ST18: variants seen among roughly 807,000 people sequenced by gnomAD.
ST18 encodes the protein suppression of tumorigenicity 18 protein.
In ST18, 50 loss-of-function variants were observed where a neutral mutation model predicts 110.0. That is an observed-to-expected ratio of 0.45 (90% CI 0.36 to 0.58). ST18 has a LOEUF of 0.58. ST18 is among the 20% of genes least tolerant of loss of function. The pLI is 0.00. For missense variants in ST18, 1,306 were observed against 1,280.1 expected, an observed-to-expected ratio of 1.02 and a Z score of -0.31; for synonymous variants, 461 against 452.4, an observed-to-expected ratio of 1.02 and a Z score of -0.24.
rs1197792067 is a variant in ST18 at position 52,409,708 on chromosome 8, C to T, written c.-750G>A. On this transcript the variant is annotated 5_prime_UTR_variant, in exon 1 of 26. Transcript: ENST00000689386. ...TCTAGTATTCCCCTGAGGTCACATT[C>T]AGTTAAAAACATCCTGCCCTTCTCC... 2.0e-5 allele frequency: 3 copies of T among 152,272 alleles called. No homozygotes were observed. The highest frequency in any genetic ancestry group is 7.2e-5 in the African/African-American group (3 of 41,460). 9.4% of individuals were successfully genotyped at this position (152,272 alleles called of 1,614,324 possible). A position where few individuals can be genotyped will look rare whatever the true frequency, so the allele number is the denominator to read the frequency against.
chr8:52,349,317 G>A (rs905627602), intron 2 of ST18, among the ~76,000 whole-genome samples: 3 of 152,084 alleles, frequency 2.0e-5, no homozygotes, highest in African/African-American at 4.8e-5. Flanking sequence ...TCTAACCTTC[G>A]TGTGATTAAG....
chr8:52,362,628 T>C (rs1249501937), intron 2 of ST18, among the ~76,000 whole-genome samples: 4 of 152,194 alleles, frequency 2.6e-5, no homozygotes, highest in Non-Finnish European at 5.9e-5. Context: ...ATATAATACA[T>C]TTTCCCCATA....
Position 52,132,754 on chromosome 8 carries a change from G to A in ST18, c.2444+303C>T, listed in dbSNP as rs569876703. Among the ~76,000 whole-genome samples, 117 of 152,210 alleles carry A rather than the reference G, an allele frequency of 7.7e-4. 1 individual carries two copies. The highest frequency in any genetic ancestry group is 2.2e-3 in the African/African-American group (93 of 41,534). The stretch of plus-strand genomic sequence containing the variant: ...CTTAAGCAAAATTAAAGTTTCGGGG[G>A]AAAATGCTGCCATATTTATCATTGT... On this transcript the variant is annotated intron_variant, in intron 21 of 25. Coordinates refer to ENST00000689386, the MANE Select transcript of ST18 (RefSeq NM_001352837.2).
In ST18 at chr8:52,143,058, C is replaced by A. The variant is rs2055846594; in HGVS notation, c.2053-13G>T. 1.3e-6 allele frequency: 2 copies of A among 1,541,228 alleles called. No homozygotes were observed. Among genetic ancestry groups the A allele is most frequent in the Middle Eastern group, 1.7e-4 (1 of 5,916 alleles). On this transcript the variant is annotated splice_polypyrimidine_tract_variant and intron_variant, in intron 16 of 25. Coordinates refer to ENST00000689386, the MANE Select transcript of ST18 (RefSeq NM_001352837.2). The stretch of plus-strand genomic sequence containing the variant: ...TCACTGGGTCTTTCTGGAAAACAAA[C>A]AAAAAACAAACAAAACACAGAAGCC...
intron 3 of ST18, among the ~76,000 whole-genome samples, chr8:52,227,949 C>T (rs1048281686): frequency 6.6e-6 from 1 of 152,150 alleles, no homozygotes; most frequent in South Asian, 2.1e-4. Context: ...GTGCTCAATA[C>T]ATTATTATTG....
intron 2 of ST18, among the ~76,000 whole-genome samples, chr8:52,393,086 A>G (rs1839863704): frequency 6.6e-6 from 1 of 152,168 alleles, no homozygotes; most frequent in Non-Finnish European, 1.5e-5. Context: ...GCCTGCTTCA[A>G]TATGGAATTC....
chr8:52,261,489 G>T (rs752738837), intron 2 of ST18, among the ~76,000 whole-genome samples: 6 of 152,166 alleles, frequency 3.9e-5, no homozygotes, highest in Non-Finnish European at 8.8e-5. Flanking sequence ...CTCCTTGCTT[G>T]TTCTATGTTA....
At chr8:52,130,090 A>G (rs1425364785) in intron 22 of ST18, among the ~76,000 whole-genome samples, 4 of 124,150 alleles carry the variant, frequency 3.2e-5, no homozygotes, top group Non-Finnish European at 4.9e-5. Context: ...GAGAGAAAGA[A>G]AGAAAAAGAA....
intron 2 of ST18, among the ~76,000 whole-genome samples, chr8:52,239,177 G>A (rs1169457802): frequency 1.3e-5 from 2 of 152,176 alleles, no homozygotes; most frequent in African/African-American, 4.8e-5. Flanking sequence ...TTGTTGCCCA[G>A]GGTTAGGAGG....
chr8:52,294,422 C>G (rs2095600896), intron 2 of ST18: 1 of 152,290 alleles, frequency 6.6e-6, no homozygotes, highest in African/African-American at 2.4e-5. Flanking sequence ...GGGTTCCCCT[C>G]CCTCACTGTG....
At chr8:52,214,318 A>T (rs1452059071) in intron 6 of ST18, 61 bp from the exon 7 acceptor site, 4 of 1,562,536 alleles carry the variant, frequency 2.6e-6, no homozygotes, top group Non-Finnish European at 3.5e-6. Flanking sequence ...ATATGAAAAC[A>T]TGTAATTAGA....
rs1002386363 is a variant in ST18 at position 52,388,253 on chromosome 8, A to G, written c.-465+21075T>C. Among the ~76,000 whole-genome samples, 14 of 152,018 alleles carry G rather than the reference A, an allele frequency of 9.2e-5. No homozygotes were observed. The East Asian group carries it at 2.5e-3, about 27-fold the overall frequency. ...TGCACCCGGCTGAGCAGGACCCAGG[A>G]AAACGCCAGCGCGCTCCGAGCACAC... On this transcript the variant is annotated intron_variant, in intron 2 of 25. Transcript: ENST00000689386.
intron 2 of ST18, among the ~76,000 whole-genome samples, chr8:52,233,035 T>C (rs1330436528): frequency 6.6e-6 from 1 of 152,166 alleles, no homozygotes; most frequent in Non-Finnish European, 1.5e-5. Flanking sequence ...GTTCCACAGA[T>C]ATTTATTTTA....
chr8:52,301,981 T>G (rs1361815477), intron 2 of ST18: 1 of 152,176 alleles, frequency 6.6e-6, no homozygotes, highest in African/African-American at 2.4e-5. Flanking sequence ...ACAGGAAGAC[T>G]GGCATGCGAT....
rs538330409 is a variant in ST18, at chr8:52,115,689, A to G, written c.3003+586T>C. Among the ~76,000 whole-genome samples the G allele has an allele frequency of 4.1e-4, 63 of 152,354 alleles. 1 individual carries two copies. In the South Asian group the frequency reaches 0.012, roughly 30 times the overall value. On this transcript the variant is annotated intron_variant, in intron 25 of 25. Transcript: ENST00000689386. Reference sequence around the variant, plus strand: ...CACAACATCAAAATTGCCTAAGGACACATTTCTTAGAACGTGTGCCCATTA... The same window carrying G: ...CACAACATCAAAATTGCCTAAGGACGCATTTCTTAGAACGTGTGCCCATTA...
rs796652683 is a variant in ST18 at position 52,172,806 on chromosome 8, C to T, written c.278-223G>A. 6.6e-5 allele frequency among the ~76,000 whole-genome samples: 10 copies of T among 152,132 alleles called. 1 individual carries two copies. The highest frequency in any genetic ancestry group is 2.2e-4 in the African/African-American group (9 of 41,508). ...TATCCTCTTAAGAGAAAACTTAGAC[C>T]TTAATAGTCTAAGAACTGTGTTAAA... is the stretch of plus-strand genomic sequence containing the variant. On this transcript the variant is annotated intron_variant, in intron 9 of 25. Transcript: ENST00000689386.
intron 2 of ST18, among the ~76,000 whole-genome samples, chr8:52,369,820 A>C (rs1470946993): frequency 6.6e-6 from 1 of 152,218 alleles, no homozygotes; most frequent in Non-Finnish European, 1.5e-5. Flanking sequence ...ATAATAATAA[A>C]AAATAATTGC....
rs2080035681 is a variant in ST18 at position 52,206,278 on chromosome 8, G to A, written c.86+5801C>T. The stretch of plus-strand genomic sequence containing the variant: ...ACAAATCACTCAGTGCGCACCTGTT[G>A]AGGCCCACTCAATACACCTTCAGTG... On this transcript the variant is annotated intron_variant, in intron 8 of 25. Coordinates refer to ENST00000689386, the MANE Select transcript of ST18 (RefSeq NM_001352837.2). 3 of 152,232 alleles carry A rather than the reference G, an allele frequency of 2.0e-5. 1 individual carries two copies. The highest frequency in any genetic ancestry group is 4.1e-4 in the South Asian group (2 of 4,828). The allele number at this position is 152,232 out of a possible 1,614,324, so 9.4% of individuals were successfully genotyped here. A position where few individuals can be genotyped will look rare whatever the true frequency, so the allele number is the denominator to read the frequency against.
intron 2 of ST18, among the ~76,000 whole-genome samples, chr8:52,287,490 G>C (rs546027323): frequency 2.0e-5 from 3 of 152,158 alleles, no homozygotes; most frequent in Admixed American, 1.3e-4. Context: ...GAATTTAAAA[G>C]CTTAGTCCAG....
Sources: allele counts gnomAD v4.1 joint callset (sites outside exome capture counted in the v4.1 genomes callset), GRCh38; gene constraint gnomAD v4.1.1; transcripts MANE v1.5; gene names NCBI Gene and HGNC (gene_info 2026-07-23, HGNC 2026-07-21).